Variants in ATF7IP2 observed in about 807,000 individuals in gnomAD.
ATF7IP2 encodes the protein activating transcription factor 7 interacting protein 2.
Under a neutral mutation model 64.2 loss-of-function variants are expected in ATF7IP2, and 42 were observed. The ratio of observed to expected loss-of-function variants is 0.65; its 90% CI spans 0.51 to 0.85. ATF7IP2 has a LOEUF of 0.85. ATF7IP2 is among the 40% of genes least tolerant of loss of function. The probability of loss-of-function intolerance (pLI) is 0.00; values close to 1 mark genes in which losing one functional copy is unlikely to be tolerated. For synonymous variants in ATF7IP2, 308 were observed against 272.8 expected, an observed-to-expected ratio of 1.13 and a Z score of -1.27; for missense variants, 933 against 784.2, an observed-to-expected ratio of 1.19 and a Z score of -2.27.
intron 10 of ATF7IP2, among the ~76,000 whole-genome samples, chr16:10,472,958 T>C (rs1455976983): frequency 6.6e-6 from 1 of 152,192 alleles, no homozygotes; most frequent in Non-Finnish European, 1.5e-5. Flanking sequence ...TATTCAAAAT[T>C]CCCCATTTTC....
intron 9 of ATF7IP2, among the ~76,000 whole-genome samples, chr16:10,471,160 A>G (rs997060006): frequency 2.0e-5 from 3 of 152,086 alleles, no homozygotes; most frequent in African/African-American, 4.8e-5. Context: ...ACTTCATACC[A>G]TAAACAAAAA....
intron 9 of ATF7IP2, among the ~76,000 whole-genome samples, chr16:10,465,561 A>G (rs1199623392): frequency 1.3e-5 from 2 of 151,148 alleles, no homozygotes; most frequent in African/African-American, 2.4e-5. Context: ...AACACGGTGA[A>G]ACCCCATCTC....
intron 9 of ATF7IP2, among the ~76,000 whole-genome samples, chr16:10,461,574 G>A (rs985730090): frequency 1.3e-5 from 2 of 152,070 alleles, no homozygotes; most frequent in Non-Finnish European, 2.9e-5. Flanking sequence ...ACGTATGATT[G>A]GAAAGCAGAC....
At chr16:10,386,234 GC>G (rs1408119713) in intron 1 of ATF7IP2, 112 bp downstream of exon 1, 1 of 152,248 alleles carries the variant, frequency 6.6e-6, no homozygotes, top group Non-Finnish European at 1.5e-5. Flanking sequence ...GGAGCGCCGG[GC>G]CTACCGGACG....
chr16:10,430,699 G>C lies in ATF7IP2; in HGVS notation c.79G>C (p.Glu27Gln). The change falls in exon 5 of 14, where the codon GAG becomes CAG. Residue 27 changes from glutamate (E) to glutamine (Q), a missense_variant. Glu to Gln is a conservative substitution (Grantham distance 29). Transcript: ENST00000562102. ...GCCCCTAAGTTGCCGGAAGCAAGTA[G>C]AGATGCTGAATAAGTCAAGGAATGT... is the stretch of plus-strand genomic sequence containing the variant. ...TMPLSCRKQVEMLNKSRNVEA... is the reference protein window; with the variant it reads ...TMPLSCRKQVQMLNKSRNVEA... 1 of 1,614,148 alleles carries C rather than the reference G, an allele frequency of 6.2e-7. No individual in the cohort carries two copies. Among genetic ancestry groups the C allele is most frequent in the South Asian group, 1.1e-5 (1 of 91,074 alleles).
intron 1 of ATF7IP2, among the ~76,000 whole-genome samples, chr16:10,391,947 TAG>T (rs2047334304): frequency 6.6e-6 from 1 of 151,628 alleles, no homozygotes; most frequent in Non-Finnish European, 1.5e-5. Flanking sequence ...CACATACAAT[TAG>T]AGAATACTAT....
At chr16:10,468,318 AAAACTGTTGAGCAT>A (rs2049659336) in intron 9 of ATF7IP2, among the ~76,000 whole-genome samples, 3 of 151,344 alleles carry the variant, frequency 2.0e-5, no homozygotes, top group Non-Finnish European at 4.4e-5. Context: ...ATCTGCATGG[AAAACTGTTGAGCAT>A]AAACTGAAAA....
rs919651051 is a variant in ATF7IP2, at chr16:10,414,555, C to G, written c.-241-19C>G. The stretch of plus-strand genomic sequence containing the variant: ...CTCCTTGATTAGCTTAATAACTGAC[C>G]GTCTGAATTCTTTTTCAGGTAAATC... On this transcript the variant is annotated intron_variant, in intron 1 of 13. Coordinates refer to ENST00000562102, the MANE Select transcript of ATF7IP2 (RefSeq NM_001393719.1). 1.4e-5 allele frequency: 2 copies of G among 147,330 alleles called. No homozygotes were observed. Among genetic ancestry groups the G allele is most frequent in the Admixed American group, 7.1e-5 (1 of 14,042 alleles). 9.1% of individuals were successfully genotyped at this position (147,330 alleles called of 1,614,324 possible).
At chr16:10,467,573 A>ATT (rs112151440) in intron 9 of ATF7IP2, among the ~76,000 whole-genome samples, 36 of 144,752 alleles carry the variant, frequency 2.5e-4, no homozygotes, top group East Asian at 6.0e-4. Context: ...AGAAAAATCA[A>ATT]TTTTTTTTTT....
At position 10,446,271 on chromosome 16, in the gene ATF7IP2, C is replaced by A. The variant is rs577007426; in HGVS notation, c.1194+5809C>A. On this transcript the variant is annotated intron_variant, in intron 8 of 13. Coordinates refer to ENST00000562102, the MANE Select transcript of ATF7IP2 (RefSeq NM_001393719.1). ...TAGATTTGGATCTCCAGTCAAGAAA[C>A]CTGCTGGGTTAAGTGAATCATCAGT... 2.0e-5 allele frequency: 3 copies of A among 152,308 alleles called. No individual in the cohort carries two copies. In the East Asian group the frequency reaches 5.8e-4, roughly 29 times the overall value. 9.4% of individuals were successfully genotyped at this position (152,308 alleles called of 1,614,324 possible).
chr16:10,449,159 G>A (rs2048905907), intron 8 of ATF7IP2: 1 of 152,198 alleles, frequency 6.6e-6, no homozygotes, highest in African/African-American at 2.4e-5. Flanking sequence ...TAGGTATGAA[G>A]CCAACTTGAC....
At chr16:10,424,615 T>C (rs1011406058) in intron 3 of ATF7IP2, among the ~76,000 whole-genome samples, 7 of 152,172 alleles carry the variant, frequency 4.6e-5, no homozygotes, top group African/African-American at 7.2e-5. Flanking sequence ...ATCTAAAATA[T>C]ATAAGGAACT....
chr16:10,473,944 T>G lies in ATF7IP2; in HGVS notation c.1504T>G (p.Ser502Ala), dbSNP rs777143845. Residue 502 changes from serine to alanine, a missense_variant, in exon 12 of 14, where the codon TCT becomes GCT. By Grantham distance (99) the Ser-to-Ala change is moderately conservative (BLOSUM62 1). Transcript: ENST00000562102. ...EVMAVQKKLD[S>A]IIDLTKEGLS... ...TTAGGCTGTACAGAAGAAACTTGAT[T>G]CTATAATTGATTTGACAAAAGAAGG... 3 of 1,553,778 alleles carry G rather than the reference T, an allele frequency of 1.9e-6. No homozygotes were observed. The highest frequency in any genetic ancestry group is 2.6e-6 in the Non-Finnish European group (3 of 1,137,350).
chr16:10,464,704 G>A (rs551943895), intron 9 of ATF7IP2, among the ~76,000 whole-genome samples: 1 of 152,320 alleles, frequency 6.6e-6, no homozygotes, highest in African/African-American at 2.4e-5. Context: ...TGAATTTCGT[G>A]TGATAAGGAA....
At position 10,441,086 on chromosome 16, in the gene ATF7IP2, C is replaced by G. The variant is rs144579638; in HGVS notation, c.1194+624C>G. On this transcript the variant is annotated intron_variant, in intron 8 of 13. Coordinates refer to ENST00000562102, the MANE Select transcript of ATF7IP2 (RefSeq NM_001393719.1). ...TCGCTGCAAAGGACATGAATTCATC[C>G]TTTTTTTGGCTGCATAGTATTCCAT... Among the ~76,000 whole-genome samples, 159 of 152,258 alleles carry G rather than the reference C, an allele frequency of 1.0e-3. 1 individual carries two copies. In the East Asian group the frequency reaches 0.029, roughly 28 times the overall value.
intron 3 of ATF7IP2, among the ~76,000 whole-genome samples, chr16:10,424,508 A>G (rs2048046102): frequency 6.6e-6 from 1 of 152,230 alleles, no homozygotes; most frequent in Admixed American, 6.5e-5. Flanking sequence ...CTTTATGAAA[A>G]TTTTACACTG....
chr16:10,434,128 A>T (rs138486031), intron 6 of ATF7IP2, among the ~76,000 whole-genome samples: 3 of 152,332 alleles, frequency 2.0e-5, no homozygotes, highest in African/African-American at 7.2e-5. Flanking sequence ...CTATTTTCCA[A>T]ACTTAAACGG....
intron 1 of ATF7IP2, among the ~76,000 whole-genome samples, chr16:10,409,179 C>A (rs532313951): frequency 1.3e-5 from 2 of 152,086 alleles, no homozygotes; most frequent in African/African-American, 4.8e-5. Flanking sequence ...GGATATTTTC[C>A]CAAATAAGGA....
At chr16:10,413,459 T>A (rs2047811787) in intron 1 of ATF7IP2, among the ~76,000 whole-genome samples, 1 of 152,240 alleles carries the variant, frequency 6.6e-6, no homozygotes, top group Admixed American at 6.5e-5. Context: ...TAAGTCCAAT[T>A]AAACCTCTTT....
Sources: gnomAD v4.1 joint callset for allele counts (sites outside exome capture counted in the v4.1 genomes callset) on GRCh38, gnomAD v4.1.1 for gene constraint, MANE v1.5 for transcripts, NCBI Gene and HGNC (gene_info 2026-07-23, HGNC 2026-07-21) for gene names.